Variants in EPHB2 observed in about 807,000 individuals in gnomAD.
The protein encoded by EPHB2 is ephrin type-B receptor 2.
In EPHB2, 18 loss-of-function variants were observed where a neutral mutation model predicts 96.4. That is an observed-to-expected ratio of 0.19 (90% confidence interval 0.13 to 0.28). EPHB2 has a LOEUF of 0.28. EPHB2 is among the 10% of genes least tolerant of loss of function. The pLI is 1.00. For synonymous variants in EPHB2, 506 were observed against 534.1 expected, an observed-to-expected ratio of 0.95 and a Z score of 0.72; for missense variants, 989 against 1,355.4, an observed-to-expected ratio of 0.73 and a Z score of 4.25.
At chr1:22,776,237 C>T (rs1391431360) in intron 1 of EPHB2, among the ~76,000 whole-genome samples, 1 of 152,216 alleles carries the variant, frequency 6.6e-6, no homozygotes, top group Non-Finnish European at 1.5e-5. Context: ...TGCTTCCCCT[C>T]TGCCTAGCGT....
In EPHB2 at chr1:22,917,425, A is replaced by G. The variant is rs924521299; in HGVS notation, c.*3855A>G. On this transcript the variant is annotated 3_prime_UTR_variant, in exon 16 of 16. Transcript: ENST00000374630. ...TACCAAAGGCTGGAAGACTCTTGCT[A>G]GGGAAGATAACGTAAATGCATTCAA... 1 of 152,206 alleles carries G rather than the reference A, an allele frequency of 6.6e-6. No homozygotes were observed. The highest frequency in any genetic ancestry group is 1.5e-5 in the Non-Finnish European group (1 of 68,056). The allele number at this position is 152,206 out of a possible 1,614,324, so 9.4% of individuals were successfully genotyped here.
At chr1:22,767,873 T>G (rs2148402977) in intron 1 of EPHB2, among the ~76,000 whole-genome samples, 1 of 152,296 alleles carries the variant, frequency 6.6e-6, no homozygotes, top group East Asian at 1.9e-4. Flanking sequence ...GATGAAGACA[T>G]GGAGTCTCTG....
At chr1:22,794,696 C>T (rs1209953810) in intron 3 of EPHB2, among the ~76,000 whole-genome samples, 1 of 152,108 alleles carries the variant, frequency 6.6e-6, no homozygotes, top group African/African-American at 2.4e-5. Context: ...GGGAAAAGTC[C>T]AAGATGACCC....
At chr1:22,862,477 T>C (rs1375862241) in intron 3 of EPHB2, among the ~76,000 whole-genome samples, 1 of 152,196 alleles carries the variant, frequency 6.6e-6, no homozygotes, top group Non-Finnish European at 1.5e-5. Flanking sequence ...GTCTGAGTAG[T>C]TAAGCAGCTT....
At chr1:22,780,862 G>A (rs185250027) in intron 1 of EPHB2, among the ~76,000 whole-genome samples, 1 of 152,268 alleles carries the variant, frequency 6.6e-6, no homozygotes, top group Admixed American at 6.5e-5. Context: ...TGGAGGGGCG[G>A]GGCCTAGAGG....
chr1:22,848,262 C>A (rs1645572671), intron 3 of EPHB2, among the ~76,000 whole-genome samples: 1 of 152,122 alleles, frequency 6.6e-6, no homozygotes, highest in African/African-American at 2.4e-5. Flanking sequence ...GACAAGTAGG[C>A]CTCCAGAACT....
chr1:22,865,585 G>A (rs576990250), intron 5 of EPHB2, among the ~76,000 whole-genome samples: 12 of 152,294 alleles, frequency 7.9e-5, no homozygotes, highest in East Asian at 3.9e-4. Flanking sequence ...GGTTATTTCC[G>A]TGTCATTTCC....
In EPHB2 at chr1:22,869,936, C is replaced by T. The variant is rs1404342228; in HGVS notation, c.1303+4724C>T. On this transcript the variant is annotated intron_variant, in intron 5 of 15. Transcript: ENST00000374630. ...CTGCTTTTCCTCACCATGGTTTTCC[C>T]GGCACCTAGAGGGGGCTGCACCACA... is the stretch of plus-strand genomic sequence containing the variant. Among the ~76,000 whole-genome samples, 4 of 152,274 alleles carry T rather than the reference C, an allele frequency of 2.6e-5. No homozygotes were observed. The East Asian group carries it at 5.8e-4, about 22-fold the overall frequency.
At chr1:22,753,540 C>A (rs76867596) in intron 1 of EPHB2, among the ~76,000 whole-genome samples, 4,190 of 152,212 alleles carry the variant, frequency 0.028, 102 homozygotes, top group Non-Finnish European at 0.037. Flanking sequence ...AGGGAAGGCT[C>A]CCATGAGCCG....
chr1:22,796,936 C>G (rs893850577), intron 3 of EPHB2, among the ~76,000 whole-genome samples: 3 of 152,156 alleles, frequency 2.0e-5, no homozygotes, highest in African/African-American at 7.2e-5. Context: ...GACAGAGGAG[C>G]CAGAAGTGAA....
intron 5 of EPHB2, among the ~76,000 whole-genome samples, chr1:22,868,324 C>T (rs537096658): frequency 3.9e-5 from 6 of 152,164 alleles, no homozygotes; most frequent in Admixed American, 2.0e-4. Flanking sequence ...GAGCAGAGAC[C>T]GAGGCTTGGC....
chr1:22,781,841 T>A (rs1385290718), intron 2 of EPHB2, among the ~76,000 whole-genome samples: 1 of 152,182 alleles, frequency 6.6e-6, no homozygotes, highest in African/African-American at 2.4e-5. Flanking sequence ...AGTACCTTTA[T>A]ACACATCATC....
intron 3 of EPHB2, among the ~76,000 whole-genome samples, chr1:22,817,420 C>T (rs1645090440): frequency 6.6e-6 from 1 of 152,234 alleles, no homozygotes; most frequent in Non-Finnish European, 1.5e-5. Context: ...CCCGCAGTTG[C>T]CTGGGTCAGA....
intron 1 of EPHB2, among the ~76,000 whole-genome samples, chr1:22,743,712 A>G (rs919100971): frequency 6.6e-6 from 1 of 152,186 alleles, no homozygotes; most frequent in Admixed American, 6.5e-5. Context: ...GCCTCAAGTG[A>G]TCTCCTCACC....
At chr1:22,847,711 C>T (rs1250908448) in intron 3 of EPHB2, among the ~76,000 whole-genome samples, 2 of 152,100 alleles carry the variant, frequency 1.3e-5, no homozygotes, top group Non-Finnish European at 2.9e-5. Context: ...AAAATAAAAC[C>T]CCAAACTCCA....
intron 1 of EPHB2, among the ~76,000 whole-genome samples, chr1:22,742,959 A>G (rs1271495870): frequency 1.4e-5 from 2 of 146,722 alleles, no homozygotes; most frequent in Non-Finnish European, 3.0e-5. Context: ...TGGTCTTATC[A>G]TGGCTCACTG....
At chr1:22,748,675 C>T (rs1644013638) in intron 1 of EPHB2, among the ~76,000 whole-genome samples, 1 of 151,518 alleles carries the variant, frequency 6.6e-6, no homozygotes, top group Admixed American at 6.6e-5. Flanking sequence ...CCACTGCGCC[C>T]AGCTCTGGGT....
Position 22,912,421 on chromosome 1 carries a change from C to G in EPHB2, c.2697-23C>G, listed in dbSNP as rs371503799. 5.2e-5 allele frequency: 84 copies of G among 1,613,672 alleles called. 1 individual carries two copies. The African/African-American group carries it at 9.7e-4, about 19-fold the overall frequency. ...CTGCAAACAGGTGCCCTGACCATCT[C>G]TGTCGCCCACCCCCAACCCCAGCAT... On this transcript the variant is annotated intron_variant, in intron 14 of 15. Transcript: ENST00000374630.
chr1:22,807,299 G>A (rs10465531), intron 3 of EPHB2, among the ~76,000 whole-genome samples: 29,553 of 152,058 alleles, frequency 0.19, 2,945 homozygotes, highest in South Asian at 0.32. Context: ...GGCTTTTATT[G>A]AGCACCTGCT....
Sources: gnomAD v4.1 joint callset for allele counts (sites outside exome capture counted in the v4.1 genomes callset) on GRCh38, gnomAD v4.1.1 for gene constraint, MANE v1.5 for transcripts, NCBI Gene and HGNC (gene_info 2026-07-23, HGNC 2026-07-21) for gene names.